The following DAGLB variants were observed in gnomAD, a reference collection of about 807,000 sequenced individuals.
The protein encoded by DAGLB is diacylglycerol lipase-beta.
A neutral mutation model predicts 72.1 loss-of-function variants in DAGLB; 66 were observed. The ratio of observed to expected loss-of-function variants is 0.92; its 90% confidence interval spans 0.75 to 1.12. The LOEUF (loss-of-function observed/expected upper bound fraction) is 1.12. DAGLB is among the 50% of genes most tolerant of loss of function. The probability of loss-of-function intolerance (pLI) is 0.00; values close to 1 mark genes in which losing one functional copy is unlikely to be tolerated. For missense variants in DAGLB, 1,065 were observed against 884.9 expected, an observed-to-expected ratio of 1.20 and a Z score of -2.58; for synonymous variants, 414 against 359.5, an observed-to-expected ratio of 1.15 and a Z score of -1.71.
chr7:6,438,014 G>C (rs1784716357), intron 2 of DAGLB, among the ~76,000 whole-genome samples: 1 of 152,116 alleles, frequency 6.6e-6, no homozygotes. Context: ...TAAAATATTA[G>C]GCACTAACAT....
chr7:6,412,799 G>A lies in DAGLB; in HGVS notation c.1569+12C>T. ...GTGTCCTGCTGACCCTCTCAACAAG[G>A]CACCCGCTTACCTTGGGTTTATTGC... On this transcript the variant is annotated intron_variant, in intron 13 of 14. Coordinates refer to ENST00000297056, the MANE Select transcript of DAGLB (RefSeq NM_139179.4). 1.3e-6 allele frequency: 2 copies of A among 1,574,554 alleles called. No individual in the cohort carries two copies. Among genetic ancestry groups the A allele is most frequent in the Non-Finnish European group, 1.7e-6 (2 of 1,157,326 alleles).
intron 5 of DAGLB, among the ~76,000 whole-genome samples, chr7:6,430,854 C>T (rs1784465041): frequency 6.6e-6 from 1 of 151,852 alleles, no homozygotes; most frequent in African/African-American, 2.4e-5. Context: ...CAGCTCACTG[C>T]TACCTCCGCC....
intron 6 of DAGLB, among the ~76,000 whole-genome samples, chr7:6,426,779 T>C (rs62454705): frequency 0.021 from 3,248 of 152,276 alleles, 44 homozygotes; most frequent in Middle Eastern, 0.034. Flanking sequence ...CAAGAAATCA[T>C]AGAAGTAACT....
intron 2 of DAGLB, 130 bp downstream of exon 2, chr7:6,445,823 G>C: frequency 9.5e-7 from 1 of 1,048,292 alleles, no homozygotes; most frequent in Non-Finnish European, 1.3e-6. Context: ...GGTGATGGCT[G>C]CACAACTCTG....
At chr7:6,436,257 A>G in intron 3 of DAGLB, 105 bp downstream of exon 3, 1 of 1,402,042 alleles carries the variant, frequency 7.1e-7, no homozygotes, top group Admixed American at 2.5e-5. Flanking sequence ...ATTTCTAACT[A>G]TTTGAGGAAG....
intron 13 of DAGLB, among the ~76,000 whole-genome samples, chr7:6,411,213 TAGTC>T (rs980741764): frequency 9.9e-5 from 15 of 150,966 alleles, no homozygotes; most frequent in Non-Finnish European, 7.4e-5. Context: ...TTCTCCATGT[TAGTC>T]AGGCTGGTCT....
At chr7:6,432,722 G>A (rs1784527019) in intron 5 of DAGLB, 115 bp downstream of exon 5, 1 of 1,314,772 alleles carries the variant, frequency 7.6e-7, no homozygotes, top group Non-Finnish European at 9.9e-7. Context: ...GGGAGGGAGG[G>A]GAAAGGGGAA....
intron 3 of DAGLB, 92 bp from the exon 4 acceptor site, chr7:6,435,112 G>A (rs1476444860): frequency 1.9e-6 from 3 of 1,542,012 alleles, no homozygotes; most frequent in Non-Finnish European, 2.6e-6. Context: ...CAGTTTCTGA[G>A]TCTCTACCAC....
chr7:6,440,567 T>C (rs1337627954), intron 2 of DAGLB, among the ~76,000 whole-genome samples: 1 of 151,864 alleles, frequency 6.6e-6, no homozygotes, highest in Non-Finnish European at 1.5e-5. Flanking sequence ...GACAGGCTAC[T>C]GGGACTTGAT....
chr7:6,424,662 C>T (rs983545185), intron 8 of DAGLB, 90 bp downstream of exon 8: 68 of 1,212,970 alleles, frequency 5.6e-5, no homozygotes, highest in South Asian at 7.3e-5. Flanking sequence ...GTGTCTCATG[C>T]GGTTACTGAC....
intron 2 of DAGLB, among the ~76,000 whole-genome samples, chr7:6,437,179 T>TAATAA (rs1784691022): frequency 7.1e-6 from 1 of 141,500 alleles, no homozygotes; most frequent in Admixed American, 7.2e-5. Context: ...ATAATAATAA[T>TAATAA]AATAATAATA....
At chr7:6,433,225 T>C (rs1385605622) in intron 4 of DAGLB, among the ~76,000 whole-genome samples, 1 of 152,362 alleles carries the variant, frequency 6.6e-6, no homozygotes, top group East Asian at 1.9e-4. Context: ...GTGACTCAAC[T>C]ATTTTTAATC....
At chr7:6,410,066 G>T (rs372922766) in intron 14 of DAGLB, 31 bp from the exon 15 acceptor site, 2 of 1,600,590 alleles carry the variant, frequency 1.2e-6, no homozygotes, top group African/African-American at 2.7e-5. Context: ...CAGCTCCCAC[G>T]CGGCCCCAGG....
At chr7:6,424,643 T>A (rs1784243984) in intron 8 of DAGLB, 109 bp downstream of exon 8, 2 of 1,036,238 alleles carry the variant, frequency 1.9e-6, no homozygotes, top group South Asian at 2.6e-5. Context: ...GTCCTCACCA[T>A]TTTCCCCTGT....
At chr7:6,435,262 C>A (rs1411694845) in intron 3 of DAGLB, among the ~76,000 whole-genome samples, 1 of 152,134 alleles carries the variant, frequency 6.6e-6, no homozygotes, top group Non-Finnish European at 1.5e-5. Context: ...CCGAGGCCGG[C>A]AGATCACGAG....
chr7:6,440,929 C>T (rs1479614885), intron 2 of DAGLB, among the ~76,000 whole-genome samples: 1 of 151,964 alleles, frequency 6.6e-6, no homozygotes, highest in African/African-American at 2.4e-5. Flanking sequence ...TGTTCTTTGC[C>T]CATTTTCCTA....
At chr7:6,445,471 T>A (rs1303650191) in intron 2 of DAGLB, among the ~76,000 whole-genome samples, 2 of 151,312 alleles carry the variant, frequency 1.3e-5, no homozygotes, top group African/African-American at 4.9e-5. Flanking sequence ...GTTGGGAGAG[T>A]TTGGGGAAAA....
intron 9 of DAGLB, 108 bp from the exon 10 acceptor site, chr7:6,417,029 G>C (rs912035238): frequency 2.3e-6 from 3 of 1,283,386 alleles, no homozygotes; most frequent in Non-Finnish European, 3.3e-6. Flanking sequence ...TCTCTCCTGG[G>C]ATCTGAGACT....
intron 9 of DAGLB, among the ~76,000 whole-genome samples, chr7:6,418,716 G>A (rs1163689628): frequency 6.6e-6 from 1 of 151,630 alleles, no homozygotes; most frequent in Admixed American, 6.6e-5. Context: ...CCAGGCTGGA[G>A]TTCAGTGGCT....
Sources: allele counts gnomAD v4.1 joint callset (sites outside exome capture counted in the v4.1 genomes callset), GRCh38; gene constraint gnomAD v4.1.1; transcripts MANE v1.5; gene names NCBI Gene and HGNC (gene_info 2026-07-23, HGNC 2026-07-21).